Variants in IRF2 observed in about 807,000 individuals in gnomAD.
IRF2 encodes the protein interferon regulatory factor 2.
IRF2 carries 15 observed loss-of-function variants against 40.6 expected under a neutral mutation model. That is an observed-to-expected ratio of 0.37 (90% CI 0.25 to 0.57). IRF2 has a LOEUF of 0.57. Ranked by LOEUF, IRF2 falls within the 20% of genes least tolerant of loss-of-function variation. The pLI is 0.77. For missense variants in IRF2, 317 were observed against 455.7 expected (o/e 0.70, Z 2.77); for synonymous variants, 151 against 165.5 (o/e 0.91, Z 0.67).
intron 1 of IRF2, among the ~76,000 whole-genome samples, chr4:184,466,887 C>T (rs969567095): frequency 2.0e-5 from 3 of 152,156 alleles, no homozygotes; most frequent in Non-Finnish European, 4.4e-5. Context: ...CCGTAGGCCA[C>T]TGTAGCACAA....
At chr4:184,393,448 G>A (rs1177747478) in intron 7 of IRF2, among the ~76,000 whole-genome samples, 1 of 152,128 alleles carries the variant, frequency 6.6e-6, no homozygotes, top group African/African-American at 2.4e-5. Context: ...ACGCAACCAA[G>A]CATGCTTTGG....
In IRF2 at chr4:184,419,555, A is replaced by G; in HGVS notation, c.101T>C (p.Phe34Ser). ...LKWLNKEKKI[F>S]QIPWMHAARH... The stretch of plus-strand genomic sequence containing the variant: ...AGCCGCATGCATCCAGGGGATCTGA[A>G]AAATCTTCTTTTCCTGAAAAAAAAA... Residue 34 changes from phenylalanine to serine, a missense_variant, in exon 3 of 9, where the codon TTT (phenylalanine) becomes TCT (serine). Phe to Ser is a radical substitution (Grantham distance 155). Transcript: ENST00000393593. 1 of 1,573,394 alleles carries G rather than the reference A, an allele frequency of 6.4e-7. No homozygotes were observed. Among genetic ancestry groups the G allele is most frequent in the Non-Finnish European group, 8.7e-7 (1 of 1,153,638 alleles).
chr4:184,437,068 T>G (rs1005395525), intron 1 of IRF2, among the ~76,000 whole-genome samples: 26 of 151,910 alleles, frequency 1.7e-4, no homozygotes, highest in Admixed American at 1.7e-3. Flanking sequence ...GTTTTTCGGG[T>G]TTTTTGAGAT....
In IRF2 at chr4:184,398,928, C is replaced by A. The variant is rs1258323354; in HGVS notation, c.681G>T (p.Val227=). The change falls in exon 7 of 9, where the codon GTG becomes GTT. Residue 227 remains valine, a synonymous_variant. Coordinates refer to ENST00000393593, the MANE Select transcript of IRF2 (RefSeq NM_002199.4). ...SELYPLQISP[V]SSYAESETTD... ...GCTGACGCTTACCTGCATAGGAAGA[C>A]ACGGGGGAGATCTGCAGAGGGTAGA... The A allele has an allele frequency of 6.2e-7, 1 of 1,606,808 alleles. No individual in the cohort carries two copies. The highest frequency in any genetic ancestry group is 8.5e-7 in the Non-Finnish European group (1 of 1,177,084).
chr4:184,422,806 G>C (rs1301935045), intron 2 of IRF2, among the ~76,000 whole-genome samples: 2 of 152,206 alleles, frequency 1.3e-5, no homozygotes, highest in Non-Finnish European at 2.9e-5. Context: ...AAGCTAGGGG[G>C]GAGGGAAATG....
At chr4:184,434,968 G>A (rs1738025010) in intron 1 of IRF2, among the ~76,000 whole-genome samples, 1 of 152,156 alleles carries the variant, frequency 6.6e-6, no homozygotes, top group African/African-American at 2.4e-5. Flanking sequence ...ACAATCACTT[G>A]AAGCCAGGAG....
chr4:184,424,154 C>T (rs891552190), intron 2 of IRF2, among the ~76,000 whole-genome samples: 6 of 152,088 alleles, frequency 3.9e-5, no homozygotes, highest in African/African-American at 7.2e-5. Context: ...TTCTTTTTGT[C>T]ATTGGGCTAC....
At chr4:184,432,924 A>G (rs1737940552) in intron 1 of IRF2, among the ~76,000 whole-genome samples, 1 of 152,190 alleles carries the variant, frequency 6.6e-6, no homozygotes, top group Non-Finnish European at 1.5e-5. Context: ...TTGTGATGGA[A>G]TACATTTCTG....
intron 2 of IRF2, among the ~76,000 whole-genome samples, chr4:184,419,798 G>A (rs1737417085): frequency 6.6e-6 from 1 of 152,198 alleles, no homozygotes; most frequent in Non-Finnish European, 1.5e-5. Flanking sequence ...TTGCAGAGCA[G>A]GAATGTTTTC....
chr4:184,416,266 T>C (rs13150205), intron 5 of IRF2, among the ~76,000 whole-genome samples: 45,123 of 146,194 alleles, frequency 0.31, 7,185 homozygotes, highest in Non-Finnish European at 0.35. Context: ...TGCAGTGAGC[T>C]ATGATCGCGT....
intron 1 of IRF2, among the ~76,000 whole-genome samples, chr4:184,466,240 G>C (rs1279571729): frequency 1.3e-5 from 2 of 151,838 alleles, no homozygotes; most frequent in Non-Finnish European, 2.9e-5. Flanking sequence ...TAGTAGAGAC[G>C]GGGTTTCACC....
At chr4:184,433,783 C>T (rs3775563) in intron 1 of IRF2, among the ~76,000 whole-genome samples, 23,387 of 152,210 alleles carry the variant, frequency 0.15, 2,227 homozygotes, top group Non-Finnish European at 0.22. Context: ...CCATCTCCCA[C>T]GCCCTGGGCA....
At position 184,429,074 on chromosome 4, in the gene IRF2, G is replaced by A; in HGVS notation, c.-6-4C>T. On this transcript the variant is annotated splice_region_variant and splice_polypyrimidine_tract_variant and intron_variant, in intron 1 of 8. Transcript: ENST00000393593. ...TCCTTTCCACCGGCATGGTGCCCTTGAGGGAGAGAAACACAGCGTCAGGCG... is the reference window on the plus strand; with the variant it reads ...TCCTTTCCACCGGCATGGTGCCCTTAAGGGAGAGAAACACAGCGTCAGGCG... 1 of 1,613,108 alleles carries A rather than the reference G, an allele frequency of 6.2e-7. No individual in the cohort carries two copies. The highest frequency in any genetic ancestry group is 1.3e-5 in the African/African-American group (1 of 75,034).
intron 5 of IRF2, among the ~76,000 whole-genome samples, chr4:184,409,497 G>A (rs6816525): frequency 0.28 from 43,274 of 152,008 alleles, 6,384 homozygotes; most frequent in African/African-American, 0.35. Flanking sequence ...AAGGTCCAGC[G>A]TAAGGGCAGG....
chr4:184,449,967 C>G (rs1386990186), intron 1 of IRF2, among the ~76,000 whole-genome samples: 1 of 152,154 alleles, frequency 6.6e-6, no homozygotes, highest in Non-Finnish European at 1.5e-5. Context: ...ATGTGAGAAG[C>G]CTCTGGTTGT....
At chr4:184,392,575 G>A (rs933176291) in intron 7 of IRF2, among the ~76,000 whole-genome samples, 1 of 152,208 alleles carries the variant, frequency 6.6e-6, no homozygotes, top group Non-Finnish European at 1.5e-5. Context: ...CTGAGGGGCT[G>A]GCCTCTGTCT....
intron 1 of IRF2, among the ~76,000 whole-genome samples, chr4:184,434,496 T>C (rs1249908382): frequency 6.6e-6 from 1 of 152,186 alleles, no homozygotes; most frequent in Non-Finnish European, 1.5e-5. Context: ...AAACCTAATA[T>C]ATGAGCAACC....
intron 1 of IRF2, among the ~76,000 whole-genome samples, chr4:184,455,503 A>G (rs1285192775): frequency 1.3e-5 from 2 of 151,208 alleles, no homozygotes; most frequent in Non-Finnish European, 2.9e-5. Context: ...CAACGGGCTT[A>G]TCTCTGTATA....
At chr4:184,421,866 G>A (rs1485027839) in intron 2 of IRF2, among the ~76,000 whole-genome samples, 1 of 152,164 alleles carries the variant, frequency 6.6e-6, no homozygotes, top group African/African-American at 2.4e-5. Flanking sequence ...GACTGGAATA[G>A]TTCAGGTGTT....
Sources: gnomAD v4.1 joint callset for allele counts (sites outside exome capture counted in the v4.1 genomes callset) on GRCh38, gnomAD v4.1.1 for gene constraint, MANE v1.5 for transcripts, NCBI Gene and HGNC (gene_info 2026-07-23, HGNC 2026-07-21) for gene names.